The following LARGE1 variants were observed in gnomAD, a reference collection of about 807,000 sequenced individuals.
The protein encoded by LARGE1 is xylosyl- and glucuronyltransferase LARGE1.
LARGE1 carries 43 observed loss-of-function variants against 87.6 expected under a neutral mutation model. The observed-to-expected ratio is 0.49, with a 90% CI of 0.38 to 0.63. LARGE1 has a LOEUF of 0.63. LARGE1 is among the 30% of genes least tolerant of loss of function. The probability of loss-of-function intolerance (pLI) is 0.00; values close to 1 mark genes in which losing one functional copy is unlikely to be tolerated. For synonymous variants in LARGE1, 434 were observed against 394.6 expected (o/e 1.10, Z -1.18); for missense variants, 802 against 1,000.2 (o/e 0.80, Z 2.67).
intron 10 of LARGE1, among the ~76,000 whole-genome samples, chr22:33,327,434 G>A (rs1368444543): frequency 6.6e-6 from 1 of 152,162 alleles, no homozygotes; most frequent in African/African-American, 2.4e-5. Context: ...CCTAGATGGT[G>A]CAGCACTTTG....
chr22:33,725,199 G>C (rs1385740493), intron 2 of LARGE1: 1 of 152,866 alleles, frequency 6.5e-6, no homozygotes, highest in East Asian at 1.9e-4. Flanking sequence ...CAGCGGTCAG[G>C]TCTGATGGTG....
At chr22:33,241,485 C>T (rs1028372604) in intron 11 of LARGE1, among the ~76,000 whole-genome samples, 5 of 151,712 alleles carry the variant, frequency 3.3e-5, no homozygotes, top group African/African-American at 1.2e-4. Context: ...AGCCCTCCAT[C>T]ATATGTATTA....
intron 7 of LARGE1, among the ~76,000 whole-genome samples, chr22:33,385,527 CAAAAAAAAAAAA>C (rs75780176): frequency 5.1e-5 from 1 of 19,442 alleles, no homozygotes; most frequent in African/African-American, 1.4e-4. Flanking sequence ...GACACCGTCT[CAAAAAAAAAAAA>C]AAAAAAAAAA....
intron 11 of LARGE1, among the ~76,000 whole-genome samples, chr22:33,249,260 T>C (rs1926907424): frequency 6.6e-6 from 1 of 152,236 alleles, no homozygotes; most frequent in Admixed American, 6.5e-5. Flanking sequence ...TGGCATATCA[T>C]TGTTGTTTTA....
the LARGE1 span, among the ~76,000 whole-genome samples, chr22:33,126,340 C>T: frequency 6.6e-6 from 1 of 152,162 alleles, no homozygotes; most frequent in Non-Finnish European, 1.5e-5. Flanking sequence ...CCCCTTCTAA[C>T]GTATGATGAA....
At chr22:33,258,710 T>C (rs1927450616) in intron 11 of LARGE1, among the ~76,000 whole-genome samples, 1 of 152,180 alleles carries the variant, frequency 6.6e-6, no homozygotes, top group Middle Eastern at 3.2e-3. Flanking sequence ...TTGCAAAATA[T>C]AGTAACTAAT....
chr22:33,624,323 G>C (rs1190238940), intron 4 of LARGE1, among the ~76,000 whole-genome samples: 1 of 152,128 alleles, frequency 6.6e-6, no homozygotes, highest in Non-Finnish European at 1.5e-5. Flanking sequence ...TGCTACAGCA[G>C]ACCTGTCATT....
rs1319863248 is a variant in LARGE1 at position 33,496,425 on chromosome 22, C to G, written c.788-64160G>C. On this transcript the variant is annotated intron_variant, in intron 6 of 14. Transcript: ENST00000397394. ...AGTCCTCATTAGTGAGATTAATGCC[C>G]TTATAAAAGAGGCACAGAGAGCTAC... Among the ~76,000 whole-genome samples the G allele has an allele frequency of 9.2e-5, 14 of 152,080 alleles. No homozygotes were observed. The South Asian group carries it at 2.9e-3, about 32-fold the overall frequency.
At chr22:33,494,062 G>C (rs768371593) in intron 6 of LARGE1, among the ~76,000 whole-genome samples, 1 of 152,336 alleles carries the variant, frequency 6.6e-6, no homozygotes, top group South Asian at 2.1e-4. Flanking sequence ...GGACAAATAC[G>C]AGAAATTAAC....
At chr22:33,627,542 C>T (rs565206758) in intron 3 of LARGE1, among the ~76,000 whole-genome samples, 54 of 152,334 alleles carry the variant, frequency 3.5e-4, no homozygotes, top group African/African-American at 1.2e-3. Flanking sequence ...AGAGCCCTTG[C>T]TCCCATGACA....
At chr22:33,583,932 C>T (rs1453900793) in intron 5 of LARGE1, among the ~76,000 whole-genome samples, 1 of 152,212 alleles carries the variant, frequency 6.6e-6, no homozygotes, top group Non-Finnish European at 1.5e-5. Context: ...ACTGACTATA[C>T]TGATACTGAA....
chr22:33,551,259 C>A (rs2077514654), intron 6 of LARGE1, among the ~76,000 whole-genome samples: 1 of 152,126 alleles, frequency 6.6e-6, no homozygotes, highest in Admixed American at 6.5e-5. Context: ...CATGGAGAAA[C>A]CCCGTACTAA....
the LARGE1 span, among the ~76,000 whole-genome samples, chr22:33,126,778 T>G: frequency 6.6e-6 from 1 of 152,248 alleles, no homozygotes; most frequent in African/African-American, 2.4e-5. Context: ...GGAAGTTATA[T>G]TTGCTTCGCT....
intron 1 of LARGE1, among the ~76,000 whole-genome samples, chr22:33,867,633 T>C (rs2064145802): frequency 6.6e-6 from 1 of 152,222 alleles, no homozygotes; most frequent in African/African-American, 2.4e-5. Flanking sequence ...TGCAGCTCCC[T>C]GACAGCTAAA....
At chr22:33,739,044 T>A (rs1245850923) in intron 2 of LARGE1, among the ~76,000 whole-genome samples, 1 of 151,558 alleles carries the variant, frequency 6.6e-6, no homozygotes, top group Non-Finnish European at 1.5e-5. Flanking sequence ...GCAAGCCGTG[T>A]AACCTCAGCG....
chr22:33,267,960 A>AT (rs397940812), downstream of LARGE1, among the ~76,000 whole-genome samples: 23,892 of 145,522 alleles, frequency 0.16, 3,920 homozygotes, highest in African/African-American at 0.41. Flanking sequence ...AAATTCAAGA[A>AT]TTTTTTTTTT....
At chr22:33,148,492 G>A in the LARGE1 span, among the ~76,000 whole-genome samples, 5 of 152,148 alleles carry the variant, frequency 3.3e-5, no homozygotes, top group Non-Finnish European at 7.4e-5. Context: ...GACCATTTGT[G>A]TTGTTTCAAG....
At chr22:33,695,244 C>T (rs886974841) in intron 2 of LARGE1, among the ~76,000 whole-genome samples, 2 of 151,752 alleles carry the variant, frequency 1.3e-5, no homozygotes, top group African/African-American at 2.4e-5. Flanking sequence ...GCTAGGATTA[C>T]AGGCGCACGC....
intron 1 of LARGE1, among the ~76,000 whole-genome samples, chr22:33,879,628 A>C (rs961477045): frequency 6.6e-6 from 1 of 152,136 alleles, no homozygotes; most frequent in African/African-American, 2.4e-5. Flanking sequence ...TCTGGCTCAA[A>C]CCACTTTTTC....
Sources: gnomAD v4.1 joint callset for allele counts (sites outside exome capture counted in the v4.1 genomes callset) on GRCh38, gnomAD v4.1.1 for gene constraint, MANE v1.5 for transcripts, NCBI Gene and HGNC (gene_info 2026-07-23, HGNC 2026-07-21) for gene names.